Variants in RSU1 observed in about 807,000 individuals in gnomAD.
RSU1 encodes rsu-1.
A neutral mutation model predicts 31.1 loss-of-function variants in RSU1; 26 were observed. The ratio of observed to expected loss-of-function variants is 0.84; its 90% CI spans 0.61 to 1.16. RSU1 has a LOEUF of 1.16. RSU1 is among the 50% of genes most tolerant of loss of function. The pLI is 0.00. For missense variants in RSU1, 320 were observed against 339.1 expected (o/e 0.94, Z 0.44); for synonymous variants, 164 against 136.3 (o/e 1.20, Z -1.41).
chr10:16,649,848 C>G (rs1264696228), intron 8 of RSU1, among the ~76,000 whole-genome samples: 3 of 99,784 alleles, frequency 3.0e-5, no homozygotes, highest in African/African-American at 8.3e-5. Flanking sequence ...AAAACCCCAC[C>G]ATTCATACAG....
At chr10:16,705,218 C>T (rs1367291639) in intron 7 of RSU1, among the ~76,000 whole-genome samples, 1 of 152,098 alleles carries the variant, frequency 6.6e-6, no homozygotes, top group African/African-American at 2.4e-5. Flanking sequence ...CTTTTAAAGG[C>T]TAATATTCCA....
intron 8 of RSU1, among the ~76,000 whole-genome samples, chr10:16,642,512 G>A (rs1031838935): frequency 6.6e-5 from 10 of 152,020 alleles, no homozygotes; most frequent in East Asian, 1.9e-4. Context: ...AGCCACTTTC[G>A]TCTTAAGTTT....
At chr10:16,633,598 A>G (rs914270157) in intron 8 of RSU1, among the ~76,000 whole-genome samples, 1 of 152,122 alleles carries the variant, frequency 6.6e-6, no homozygotes, top group Non-Finnish European at 1.5e-5. Flanking sequence ...CTATACAGTG[A>G]CTATGTTGAG....
At chr10:16,650,510 G>A (rs1834662963) in intron 8 of RSU1, among the ~76,000 whole-genome samples, 1 of 151,278 alleles carries the variant, frequency 6.6e-6, no homozygotes, top group Non-Finnish European at 1.5e-5. Context: ...AAAAGAAAGA[G>A]GCAGAAGAAC....
intron 2 of RSU1, among the ~76,000 whole-genome samples, chr10:16,792,554 G>C (rs548773499): frequency 6.6e-6 from 1 of 152,274 alleles, no homozygotes; most frequent in South Asian, 2.1e-4. Context: ...ACCTCTTGTG[G>C]TTTCAAATGT....
At chr10:16,814,851 T>C (rs1310326680) in intron 2 of RSU1, among the ~76,000 whole-genome samples, 1 of 152,234 alleles carries the variant, frequency 6.6e-6, no homozygotes. Context: ...TCTTCCTTAA[T>C]AAAAGCCAAG....
At chr10:16,623,057 A>G (rs1030913565) in intron 8 of RSU1, among the ~76,000 whole-genome samples, 3 of 151,978 alleles carry the variant, frequency 2.0e-5, no homozygotes, top group African/African-American at 7.3e-5. Flanking sequence ...TTCATTTTAG[A>G]TTCAGGGGGT....
At chr10:16,644,694 G>A (rs1298638276) in intron 8 of RSU1, among the ~76,000 whole-genome samples, 1 of 152,142 alleles carries the variant, frequency 6.6e-6, no homozygotes, top group Non-Finnish European at 1.5e-5. Context: ...GCAGAAAGAA[G>A]AAAAGGAAAG....
At chr10:16,798,963 G>C (rs563162733) in intron 2 of RSU1, among the ~76,000 whole-genome samples, 1 of 152,212 alleles carries the variant, frequency 6.6e-6, no homozygotes, top group Admixed American at 6.5e-5. Flanking sequence ...AAAAAACTCT[G>C]GGATTATTCT....
chr10:16,729,482 A>C (rs1459614587), intron 7 of RSU1, among the ~76,000 whole-genome samples: 2 of 152,128 alleles, frequency 1.3e-5, no homozygotes, highest in Non-Finnish European at 2.9e-5. Context: ...AGGGGAACTG[A>C]AGGCTAGATA....
Position 16,817,362 on chromosome 10 carries a change from G to T in RSU1, c.-51C>A, listed in dbSNP as rs1838567243. 3 of 410,658 alleles carry T rather than the reference G, an allele frequency of 7.3e-6. No individual in the cohort carries two copies. In the South Asian group the frequency reaches 8.6e-5, roughly 12 times the overall value. 25.4% of individuals were successfully genotyped at this position (410,658 alleles called of 1,614,324 possible). A position where few individuals can be genotyped will look rare whatever the true frequency, so the allele number is the denominator to read the frequency against. Reference sequence around the variant, plus strand: ...GATGGGCGTGCAACCACAAGCTTCGGCAGAACGCACTCCAGCTGCCCTCAC... The same window carrying T: ...GATGGGCGTGCAACCACAAGCTTCGTCAGAACGCACTCCAGCTGCCCTCAC... On this transcript the variant is annotated 5_prime_UTR_variant, in exon 1 of 9. Coordinates refer to ENST00000345264, the MANE Select transcript of RSU1 (RefSeq NM_012425.4).
intron 2 of RSU1, among the ~76,000 whole-genome samples, chr10:16,799,437 G>A (rs115487115): frequency 2.2e-4 from 34 of 152,190 alleles, no homozygotes; most frequent in African/African-American, 6.0e-4. Flanking sequence ...GCCAGCAACC[G>A]GTAGGAATGC....
chr10:16,675,173 C>G (rs1361691358), intron 8 of RSU1, among the ~76,000 whole-genome samples: 3 of 142,356 alleles, frequency 2.1e-5, no homozygotes, highest in African/African-American at 7.8e-5. Flanking sequence ...TGCACTCCAG[C>G]CTGGGTAACA....
chr10:16,700,358 G>A (rs535872746), intron 7 of RSU1, among the ~76,000 whole-genome samples: 5 of 152,246 alleles, frequency 3.3e-5, no homozygotes, highest in Admixed American at 1.3e-4. Context: ...AAAAGTGGCT[G>A]ATTGGGTATA....
intron 7 of RSU1, among the ~76,000 whole-genome samples, chr10:16,751,328 C>T (rs1836974965): frequency 6.6e-6 from 1 of 152,162 alleles, no homozygotes; most frequent in African/African-American, 2.4e-5. Flanking sequence ...ATTAAATAAT[C>T]CTCTAGGTGG....
intron 8 of RSU1, among the ~76,000 whole-genome samples, chr10:16,686,740 G>T (rs1835446535): frequency 6.6e-6 from 1 of 152,112 alleles, no homozygotes; most frequent in African/African-American, 2.4e-5. Context: ...TAGGAGGAGA[G>T]AGACACACAC....
intron 2 of RSU1, among the ~76,000 whole-genome samples, chr10:16,813,998 CT>C (rs1243053760): frequency 6.6e-6 from 1 of 152,148 alleles, no homozygotes; most frequent in East Asian, 1.9e-4. Context: ...TAATTCTAAC[CT>C]CTTGAGAAAT....
intron 6 of RSU1, 111 bp downstream of exon 6, chr10:16,752,807 G>A: frequency 1.9e-6 from 2 of 1,054,572 alleles, no homozygotes; most frequent in Non-Finnish European, 2.9e-6. Flanking sequence ...ATCAGGAGTA[G>A]TGGTTTATTC....
At chr10:16,773,290 T>C (rs1286420238) in intron 3 of RSU1, among the ~76,000 whole-genome samples, 1 of 151,944 alleles carries the variant, frequency 6.6e-6, no homozygotes, top group African/African-American at 2.4e-5. Flanking sequence ...CCAGACCTTA[T>C]GTTTAGGGTC....
Sources: allele counts gnomAD v4.1 joint callset (sites outside exome capture counted in the v4.1 genomes callset), GRCh38; gene constraint gnomAD v4.1.1; transcripts MANE v1.5; gene names NCBI Gene and HGNC (gene_info 2026-07-23, HGNC 2026-07-21).